PTPN2: variants seen among roughly 807,000 people sequenced by gnomAD.
PTPN2 encodes protein tyrosine phosphatase non-receptor type 2.
PTPN2 carries 19 observed loss-of-function variants against 57.3 expected under a neutral mutation model. That is an observed-to-expected ratio of 0.33 (90% CI 0.23 to 0.49). The LOEUF is 0.49. Ranked by LOEUF, PTPN2 falls within the 20% of genes least tolerant of loss-of-function variation. PTPN2 has a pLI of 0.99. For synonymous variants in PTPN2, 153 were observed against 164.9 expected (o/e 0.93, Z 0.55); for missense variants, 358 against 501.1 (o/e 0.71, Z 2.73).
intron 1 of PTPN2, among the ~76,000 whole-genome samples, chr18:12,869,412 C>T (rs184556834): frequency 6.6e-6 from 1 of 152,324 alleles, no homozygotes; most frequent in East Asian, 1.9e-4. Flanking sequence ...CTGCCTGCCT[C>T]GGCCTTCCAA....
At position 12,830,379 on chromosome 18, in the gene PTPN2, T is replaced by G. The variant is rs112050962; in HGVS notation, c.360+564A>C. Among the ~76,000 whole-genome samples, 775 of 152,256 alleles carry G rather than the reference T, an allele frequency of 5.1e-3. 6 individuals are homozygous for G. Among genetic ancestry groups the G allele is most frequent in the African/African-American group, 0.017 (705 of 41,568 alleles). Reference sequence around the variant, plus strand: ...AACTCCTGACCTCAAGTGATCTGCCTGCCTCGGCCTCCCAAAGTGCTGGGA... The same window carrying G: ...AACTCCTGACCTCAAGTGATCTGCCGGCCTCGGCCTCCCAAAGTGCTGGGA... On this transcript the variant is annotated intron_variant, in intron 4 of 8. Transcript: ENST00000309660.
chr18:12,869,748 A>C (rs1302902216), intron 1 of PTPN2, among the ~76,000 whole-genome samples: 1 of 152,168 alleles, frequency 6.6e-6, no homozygotes, highest in East Asian at 1.9e-4. Flanking sequence ...CCAAATTGAT[A>C]ATGAGTTTCT....
intron 5 of PTPN2, among the ~76,000 whole-genome samples, chr18:12,822,327 C>G (rs957519945): frequency 1.3e-5 from 2 of 152,138 alleles, no homozygotes; most frequent in Non-Finnish European, 2.9e-5. Flanking sequence ...CTGGAACTCA[C>G]TAAACGTAAA....
At chr18:12,838,422 A>G (rs2042941518) in intron 2 of PTPN2, among the ~76,000 whole-genome samples, 1 of 152,192 alleles carries the variant, frequency 6.6e-6, no homozygotes, top group Non-Finnish European at 1.5e-5. Context: ...AGTATTTGAT[A>G]CCTCACCCTC....
chr18:12,841,758 GA>G (rs2043053516), intron 2 of PTPN2, among the ~76,000 whole-genome samples: 2 of 152,132 alleles, frequency 1.3e-5, no homozygotes, highest in Non-Finnish European at 2.9e-5. Context: ...CTGTCCCCAA[GA>G]GTCTGCAATG....
At chr18:12,861,036 TCA>T (rs915815829) in intron 1 of PTPN2, among the ~76,000 whole-genome samples, 1 of 152,240 alleles carries the variant, frequency 6.6e-6, no homozygotes, top group African/African-American at 2.4e-5. Flanking sequence ...ACATAGGGTC[TCA>T]CTTTTTGCCC....
chr18:12,824,952 G>A (rs759763552), intron 5 of PTPN2, among the ~76,000 whole-genome samples: 1 of 152,132 alleles, frequency 6.6e-6, no homozygotes, highest in Admixed American at 6.5e-5. Context: ...TAGGTATGGT[G>A]GCTCATGCCT....
At position 12,793,238 on chromosome 18, in the gene PTPN2, A is replaced by T; in HGVS notation, c.*1040T>A. 2 of 977,002 alleles carry T rather than the reference A, an allele frequency of 2.0e-6. No individual in the cohort carries two copies. Among genetic ancestry groups the T allele is most frequent in the Non-Finnish European group, 2.4e-6 (2 of 822,128 alleles). The allele number at this position is 977,002 out of a possible 1,614,324, so 60.5% of individuals were successfully genotyped here. ...CTTTAAAAAATATTCATTAAGTTAA[A>T]ATGACAATGTAAGGTTTGCATATAA... On this transcript the variant is annotated 3_prime_UTR_variant, in exon 9 of 9. Coordinates refer to ENST00000309660, the MANE Select transcript of PTPN2 (RefSeq NM_002828.4).
chr18:12,877,274 T>C (rs890534436), intron 1 of PTPN2, among the ~76,000 whole-genome samples: 2 of 152,038 alleles, frequency 1.3e-5, no homozygotes, highest in Non-Finnish European at 2.9e-5. Context: ...AACAGACAAG[T>C]AGACAGTTAC....
In PTPN2 at chr18:12,847,190, C is replaced by T. The variant is rs183454921; in HGVS notation, c.161-10299G>A. ...ATAGACCAAAGTAATCTAATGCAACCCTCTATAATTCATTCACAAATATTC... is the reference window on the plus strand; with the variant it reads ...ATAGACCAAAGTAATCTAATGCAACTCTCTATAATTCATTCACAAATATTC... On this transcript the variant is annotated intron_variant, in intron 2 of 8. Transcript: ENST00000309660. Among the ~76,000 whole-genome samples the T allele has an allele frequency of 3.9e-3, 600 of 152,196 alleles. 3 individuals are homozygous for T. Among genetic ancestry groups the T allele is most frequent in the Non-Finnish European group, 7.2e-3 (489 of 67,994 alleles).
intron 8 of PTPN2, among the ~76,000 whole-genome samples, chr18:12,801,478 C>T (rs1317588340): frequency 6.6e-6 from 1 of 151,772 alleles, no homozygotes; most frequent in Non-Finnish European, 1.5e-5. Context: ...CGCACTCTAG[C>T]CTGGGTGACA....
chr18:12,822,717 T>G lies in PTPN2; in HGVS notation c.495+3093A>C, dbSNP rs73404440. 7.2e-3 allele frequency among the ~76,000 whole-genome samples: 1,096 copies of G among 152,292 alleles called. 18 individuals are homozygous for G. The highest frequency in any genetic ancestry group is 0.026 in the African/African-American group (1,064 of 41,562). On this transcript the variant is annotated intron_variant, in intron 5 of 8. Coordinates refer to ENST00000309660, the MANE Select transcript of PTPN2 (RefSeq NM_002828.4). ...GAGATCTGCGTGTTGAGATTGGCTA[T>G]CAGCCCCCTACTCCATCATCACTTT...
rs138944805 is a variant in PTPN2, at chr18:12,857,333, C to A, written c.160+1831G>T. ...ACGTGATAAAACTGCACAGAACTTA[C>A]ACGCACACACAAATGAGTGCATGTA... On this transcript the variant is annotated intron_variant, in intron 2 of 8. Transcript: ENST00000309660. 2.1e-3 allele frequency among the ~76,000 whole-genome samples: 313 copies of A among 152,080 alleles called. 1 individual carries two copies. The highest frequency in any genetic ancestry group is 7.0e-3 in the African/African-American group (291 of 41,496).
At chr18:12,832,243 C>T (rs926097194) in intron 3 of PTPN2, among the ~76,000 whole-genome samples, 14 of 152,170 alleles carry the variant, frequency 9.2e-5, no homozygotes, top group African/African-American at 2.9e-4. Context: ...AAGCCTCCCA[C>T]GGAGCTGGAA....
intron 7 of PTPN2, among the ~76,000 whole-genome samples, chr18:12,807,586 A>AAAAAAAAAAAAAAAAAATAT: frequency 5.7e-5 from 2 of 35,198 alleles, no homozygotes; most frequent in African/African-American, 1.4e-4. Context: ...AAAAAAAAAA[A>AAAAAAAAAAAAAAAAAATAT]ATATATATAT....
intron 2 of PTPN2, among the ~76,000 whole-genome samples, chr18:12,856,330 G>A (rs938940239): frequency 6.6e-6 from 1 of 152,166 alleles, no homozygotes. Context: ...AAAATCCTGT[G>A]GCTACGTGAG....
chr18:12,813,074 T>C (rs1304154311), intron 7 of PTPN2, among the ~76,000 whole-genome samples: 1 of 151,294 alleles, frequency 6.6e-6, no homozygotes, highest in Non-Finnish European at 1.5e-5. Flanking sequence ...ACAATACATT[T>C]CCCTCCCAGT....
At chr18:12,859,010 C>T (rs1204682428) in intron 2 of PTPN2, among the ~76,000 whole-genome samples, 154 bp downstream of exon 2, 1 of 152,134 alleles carries the variant, frequency 6.6e-6, no homozygotes, top group Non-Finnish European at 1.5e-5. Context: ...TTCCACTATT[C>T]TACACCTTTA....
intron 7 of PTPN2, 87 bp from the exon 8 acceptor site, chr18:12,802,238 T>C: frequency 1.8e-6 from 2 of 1,094,520 alleles, no homozygotes; most frequent in Non-Finnish European, 2.5e-6. Context: ...TAAAATCCTA[T>C]ATTCAAGTTA....
Sources: gnomAD v4.1 joint callset for allele counts (sites outside exome capture counted in the v4.1 genomes callset) on GRCh38, gnomAD v4.1.1 for gene constraint, MANE v1.5 for transcripts, NCBI Gene and HGNC (gene_info 2026-07-23, HGNC 2026-07-21) for gene names.